Variants in CPS1 observed in about 807,000 individuals in gnomAD.
The protein encoded by CPS1 is carbamoyl-phosphate synthase 1.
CPS1 carries 109 observed loss-of-function variants against 174.6 expected under a neutral mutation model. The observed-to-expected ratio is 0.62, with a 90% CI of 0.53 to 0.73. The LOEUF is 0.73. CPS1 is among the 30% of genes least tolerant of loss of function. The pLI, the probability that CPS1 is intolerant of heterozygous loss-of-function variation, is 0.00. For synonymous variants in CPS1, 637 were observed against 632.0 expected (o/e 1.01, Z -0.12); for missense variants, 1,689 against 1,821.9 (o/e 0.93, Z 1.33).
intron 6 of CPS1, among the ~76,000 whole-genome samples, chr2:210,583,902 A>T (rs1698011880): frequency 6.6e-6 from 1 of 152,156 alleles, no homozygotes; most frequent in Non-Finnish European, 1.5e-5. Context: ...TGAACTGAGC[A>T]GTAGTAGCAA....
intron 1 of CPS1, 67 bp downstream of exon 1, chr2:210,556,926 G>C: frequency 6.4e-7 from 1 of 1,558,530 alleles, no homozygotes; most frequent in Non-Finnish European, 8.8e-7. Flanking sequence ...AAGCAAAGGT[G>C]TCCCTTACAA....
intron 31 of CPS1, among the ~76,000 whole-genome samples, chr2:210,659,577 G>A (rs1256481347): frequency 2.0e-5 from 3 of 152,100 alleles, no homozygotes; most frequent in Admixed American, 6.6e-5. Context: ...CATGAGTTTT[G>A]ATGGGGACAA....
chr2:210,479,665 G>A (rs563198262), intron 1 of CPS1, among the ~76,000 whole-genome samples: 1 of 152,156 alleles, frequency 6.6e-6, no homozygotes, highest in East Asian at 1.9e-4. Flanking sequence ...GTATGAATTT[G>A]GGGGGCAACA....
chr2:210,671,780 T>G (rs1160844066), intron 34 of CPS1: 1 of 152,174 alleles, frequency 6.6e-6, no homozygotes, highest in East Asian at 1.9e-4. Flanking sequence ...GATATTTATC[T>G]TTTCCACCTG....
At chr2:210,589,213 A>G (rs1435814186) in intron 7 of CPS1, among the ~76,000 whole-genome samples, 1 of 152,026 alleles carries the variant, frequency 6.6e-6, no homozygotes, top group Non-Finnish European at 1.5e-5. Context: ...TTGCTAATGC[A>G]TAATTTATTG....
chr2:210,478,273 C>T (rs1455547137), intron 1 of CPS1, among the ~76,000 whole-genome samples: 5 of 152,184 alleles, frequency 3.3e-5, no homozygotes, highest in Middle Eastern at 3.2e-3. Context: ...TTTCCATCTC[C>T]TCTCCAACAC....
At chr2:210,656,709 TA>T in intron 30 of CPS1, 77 bp downstream of exon 30, 25 of 981,246 alleles carry the variant, frequency 2.5e-5, no homozygotes, top group Non-Finnish European at 3.8e-5. Flanking sequence ...TTTTTTTTTT[TA>T]AAGCTAGGTA....
chr2:210,603,630 A>G (rs2105845054), intron 16 of CPS1, among the ~76,000 whole-genome samples: 1 of 152,036 alleles, frequency 6.6e-6, no homozygotes, highest in East Asian at 2.0e-4. Flanking sequence ...TTTACTCTAT[A>G]AGAAACCAAT....
chr2:210,543,975 T>TC (rs1393145989), intron 1 of CPS1, among the ~76,000 whole-genome samples: 1 of 152,096 alleles, frequency 6.6e-6, no homozygotes, highest in South Asian at 2.1e-4. Flanking sequence ...AAATTTGTGT[T>TC]CCTTTGGTGC....
chr2:210,482,614 T>G (rs190953628), intron 1 of CPS1, among the ~76,000 whole-genome samples: 2,044 of 152,052 alleles, frequency 0.013, 43 homozygotes, highest in African/African-American at 0.046. Context: ...AATCTTAATG[T>G]GATTCTTTTG....
At chr2:210,514,889 T>A (rs75752254) in intron 1 of CPS1, among the ~76,000 whole-genome samples, 10 of 149,788 alleles carry the variant, frequency 6.7e-5, no homozygotes, top group Non-Finnish European at 1.5e-4. Flanking sequence ...TTTGTTGAGT[T>A]TTTTTTTTTA....
Position 210,648,509 on chromosome 2 carries a change from C to A in CPS1, c.3373C>A (p.Pro1125Thr), listed in dbSNP as rs775394296. ...ALEFAKSVDY[P>T]CLLRPSYVLS... ...GGAATTTGCAAAGTCTGTGGACTAC[C>A]CCTGCTTGTTGAGGCCTTCCTATGT... The change falls in exon 27 of 38, where the codon CCC becomes ACC. Residue 1125 changes from proline to threonine, a missense_variant. By Grantham distance (38) the Pro-to-Thr change is conservative. Coordinates refer to ENST00000233072, the MANE Select transcript of CPS1 (RefSeq NM_001875.5). 1 of 1,613,532 alleles carries A rather than the reference C, an allele frequency of 6.2e-7. No individual in the cohort carries two copies. Among genetic ancestry groups the A allele is most frequent in the Non-Finnish European group, 8.5e-7 (1 of 1,179,714 alleles).
chr2:210,674,207 C>CT (rs1192157750), intron 34 of CPS1: 2 of 152,282 alleles, frequency 1.3e-5, no homozygotes, highest in Admixed American at 1.3e-4. Context: ...GGTGCAGTGG[C>CT]TCATGCCTGT....
At chr2:210,487,391 C>T (rs1295476991) in intron 1 of CPS1, among the ~76,000 whole-genome samples, 1 of 152,198 alleles carries the variant, frequency 6.6e-6, no homozygotes, top group Non-Finnish European at 1.5e-5. Context: ...TGATATACAA[C>T]AGATTCAATA....
At chr2:210,483,101 A>T (rs1694620376) in intron 1 of CPS1, among the ~76,000 whole-genome samples, 2 of 152,194 alleles carry the variant, frequency 1.3e-5, no homozygotes, top group South Asian at 4.1e-4. Context: ...TCAATTTTAT[A>T]CCCTTTCATC....
chr2:210,482,250 T>C (rs1281339524), intron 1 of CPS1, among the ~76,000 whole-genome samples: 1 of 152,086 alleles, frequency 6.6e-6, no homozygotes, highest in African/African-American at 2.4e-5. Flanking sequence ...GAGGTTTGGG[T>C]TGAATCTGCA....
intron 2 of CPS1, among the ~76,000 whole-genome samples, chr2:210,574,190 G>A (rs996407900): frequency 2.6e-5 from 4 of 151,988 alleles, no homozygotes; most frequent in Admixed American, 1.3e-4. Context: ...TATAAAAAGT[G>A]AGGGGGTTGG....
At position 210,677,016 on chromosome 2, in the gene CPS1, A is replaced by T. The variant is rs765861264; in HGVS notation, c.4284A>T (p.Arg1428Ser). 3.7e-6 allele frequency: 6 copies of T among 1,613,592 alleles called. No homozygotes were observed. In the South Asian group the frequency reaches 6.6e-5, roughly 18 times the overall value. ...TTGTTTATTTTTCCAGATTGATTAGAGATGGCAGCATTGACCTAGTGATTA... is the reference window on the plus strand; with the variant it reads ...TTGTTTATTTTTCCAGATTGATTAGTGATGGCAGCATTGACCTAGTGATTA... Reference protein sequence around the residue: ...PSLSSIRKLIRDGSIDLVINL... With the variant: ...PSLSSIRKLISDGSIDLVINL... Residue 1428 changes from arginine to serine, a missense_variant, in exon 37 of 38, where the codon AGA becomes AGT. Arg to Ser is a moderately radical substitution (Grantham distance 110). Coordinates refer to ENST00000233072, the MANE Select transcript of CPS1 (RefSeq NM_001875.5).
intron 21 of CPS1, among the ~76,000 whole-genome samples, chr2:210,622,351 A>C (rs1699556483): frequency 6.6e-6 from 1 of 151,822 alleles, no homozygotes; most frequent in Non-Finnish European, 1.5e-5. Context: ...GTAAGTGTGC[A>C]TGTAAATATA....
Sources: gnomAD v4.1 joint callset for allele counts (sites outside exome capture counted in the v4.1 genomes callset) on GRCh38, gnomAD v4.1.1 for gene constraint, MANE v1.5 for transcripts, NCBI Gene and HGNC (gene_info 2026-07-23, HGNC 2026-07-21) for gene names.